Variants in RAD52 observed in about 807,000 individuals in gnomAD.
The protein encoded by RAD52 is RAD52 DNA repair protein.
A neutral mutation model predicts 55.5 loss-of-function variants in RAD52; 47 were observed. The observed-to-expected ratio is 0.85, with a 90% CI of 0.67 to 1.08. RAD52 has a LOEUF of 1.08. RAD52 is among the 50% of genes least tolerant of loss of function. The pLI is 0.00. For missense variants in RAD52, 468 were observed against 522.8 expected, an observed-to-expected ratio of 0.90 and a Z score of 1.02; for synonymous variants, 184 against 198.9, an observed-to-expected ratio of 0.92 and a Z score of 0.63.
chr12:969,908 A>G (rs908785046), intron 1 of RAD52, among the ~76,000 whole-genome samples: 10 of 152,024 alleles, frequency 6.6e-5, no homozygotes, highest in Non-Finnish European at 1.2e-4. Flanking sequence ...TTCCATATAT[A>G]CTGGTGATAA....
At chr12:956,917 TATAAG>T (rs1396361132) in intron 1 of RAD52, among the ~76,000 whole-genome samples, 2 of 152,194 alleles carry the variant, frequency 1.3e-5, no homozygotes, top group East Asian at 3.8e-4. Flanking sequence ...TTAGATGAGT[TATAAG>T]ATTATAGTTA....
intron 1 of RAD52, among the ~76,000 whole-genome samples, chr12:945,931 G>A (rs1384388379): frequency 1.3e-5 from 2 of 151,960 alleles, no homozygotes; most frequent in East Asian, 3.9e-4. Flanking sequence ...GTTGAGGCAG[G>A]AGAATCGCTT....
chr12:971,344 G>A (rs1415865443), intron 1 of RAD52, among the ~76,000 whole-genome samples: 3 of 151,920 alleles, frequency 2.0e-5, no homozygotes, highest in Non-Finnish European at 4.4e-5. Context: ...TTTTCCTCTA[G>A]TGTGAGAATT....
At chr12:929,500 C>T (rs1714440516) in intron 5 of RAD52, among the ~76,000 whole-genome samples, 1 of 152,174 alleles carries the variant, frequency 6.6e-6, no homozygotes, top group Non-Finnish European at 1.5e-5. Flanking sequence ...AGTTTCCAAA[C>T]ACTTATCAGT....
chr12:978,695 C>T (rs562611275), intron 1 of RAD52, among the ~76,000 whole-genome samples: 2 of 152,000 alleles, frequency 1.3e-5, no homozygotes, highest in South Asian at 4.2e-4. Flanking sequence ...CCCAGCTACT[C>T]GGGAGGCTGA....
chr12:976,895 T>C (rs1221982054), intron 1 of RAD52: 1 of 152,208 alleles, frequency 6.6e-6, no homozygotes, highest in Non-Finnish European at 1.5e-5. Context: ...TTATCTGACA[T>C]GTCTACTCGC....
chr12:919,621 G>A (rs1249608713), intron 7 of RAD52, among the ~76,000 whole-genome samples: 1 of 147,996 alleles, frequency 6.8e-6, no homozygotes, highest in Non-Finnish European at 1.5e-5. Context: ...TGTGGTGGTG[G>A]GCGCCTGTAG....
chr12:914,477 TG>T lies in RAD52; in HGVS notation c.920del (p.Pro307HisfsTer11). 6.2e-7 allele frequency: 1 copy of T among 1,613,344 alleles called. No homozygotes were observed. The highest frequency in any genetic ancestry group is 2.2e-5 in the East Asian group (1 of 44,856). ...THSTPVTVSE[P>X]LLEKDFLAGV... is the part of the protein sequence containing the mutation. ...CTGCAAGGAAGTCTTTCTCCAGGAG[TG>T]GTTCTGAGACAGTTACAGGAGTGCT... On this transcript the variant is annotated frameshift_variant, in exon 10 of 12. Transcript: ENST00000358495. LOFTEE classifies it high-confidence loss of function.
chr12:965,693 G>T (rs1453003855), intron 1 of RAD52, among the ~76,000 whole-genome samples: 4 of 150,142 alleles, frequency 2.7e-5, no homozygotes, highest in African/African-American at 7.4e-5. Context: ...TGTTTGCTTG[G>T]TTTTTTTTTC....
intron 1 of RAD52, among the ~76,000 whole-genome samples, chr12:943,405 C>CA (rs1443151793): frequency 6.6e-6 from 1 of 152,202 alleles, no homozygotes; most frequent in African/African-American, 2.4e-5. Flanking sequence ...TGCAGTGGCA[C>CA]AATCTCGGCT....
intron 1 of RAD52, among the ~76,000 whole-genome samples, chr12:948,280 T>C (rs1472900764): frequency 1.3e-5 from 2 of 151,980 alleles, no homozygotes; most frequent in Non-Finnish European, 2.9e-5. Flanking sequence ...TAGGAGGAAA[T>C]AATGGGTGTC....
intron 2 of RAD52, among the ~76,000 whole-genome samples, chr12:932,358 G>A (rs1360528063): frequency 6.6e-6 from 1 of 152,158 alleles, no homozygotes; most frequent in Non-Finnish European, 1.5e-5. Flanking sequence ...AGCTGGCCAT[G>A]GTGGTGCATG....
At chr12:938,186 G>A (rs1184717837) in intron 1 of RAD52, among the ~76,000 whole-genome samples, 1 of 152,200 alleles carries the variant, frequency 6.6e-6, no homozygotes, top group African/African-American at 2.4e-5. Flanking sequence ...CAAACTTAAT[G>A]TCACCAATTA....
At chr12:923,082 T>TC (rs1249774446) in intron 7 of RAD52, among the ~76,000 whole-genome samples, 3 of 151,780 alleles carry the variant, frequency 2.0e-5, no homozygotes, top group Admixed American at 6.6e-5. Context: ...GGTCTCAAAC[T>TC]CCTAGGCTCA....
At chr12:972,489 A>G (rs61917242) in intron 1 of RAD52, among the ~76,000 whole-genome samples, 27,883 of 151,448 alleles carry the variant, frequency 0.18, 2,802 homozygotes, top group Non-Finnish European at 0.22. Flanking sequence ...CTCTTAGGCC[A>G]GGCGTGGTGG....
chr12:916,271 G>A (rs890967913), intron 9 of RAD52, 73 bp downstream of exon 9: 2 of 1,574,740 alleles, frequency 1.3e-6, no homozygotes, highest in Non-Finnish European at 1.7e-6. Flanking sequence ...TTACCGCAGA[G>A]AATCAGAAGA....
upstream of RAD52, among the ~76,000 whole-genome samples, chr12:950,017 C>T (rs975763105): frequency 6.6e-6 from 1 of 152,144 alleles, no homozygotes; most frequent in Non-Finnish European, 1.5e-5. Flanking sequence ...TAGTTAGGCC[C>T]GGGTGGTTCA....
intron 1 of RAD52, among the ~76,000 whole-genome samples, chr12:968,236 G>C (rs1179789329): frequency 1.3e-5 from 2 of 152,088 alleles, no homozygotes; most frequent in Non-Finnish European, 2.9e-5. Flanking sequence ...CATTTATCAA[G>C]ACAAATGGTT....
chr12:948,222 A>C (rs982209751), intron 1 of RAD52, among the ~76,000 whole-genome samples: 2 of 152,176 alleles, frequency 1.3e-5, no homozygotes, highest in Admixed American at 6.6e-5. Flanking sequence ...AATATTGTAT[A>C]ATACAGTACT....
Sources: allele counts gnomAD v4.1 joint callset (sites outside exome capture counted in the v4.1 genomes callset), GRCh38; gene constraint gnomAD v4.1.1; transcripts MANE v1.5; gene names NCBI Gene and HGNC (gene_info 2026-07-23, HGNC 2026-07-21).